TOPBP1: variants seen among roughly 807,000 people sequenced by gnomAD.
TOPBP1 encodes the protein DNA topoisomerase 2-binding protein 1.
A neutral mutation model predicts 167.7 loss-of-function variants in TOPBP1; 28 were observed. The ratio of observed to expected loss-of-function variants is 0.17; its 90% CI spans 0.12 to 0.23. The LOEUF is 0.23. TOPBP1 is among the 10% of genes least tolerant of loss of function. The pLI, the probability that TOPBP1 is intolerant of heterozygous loss-of-function variation, is 1.00. For missense variants in TOPBP1, 1,554 were observed against 1,809.6 expected, an observed-to-expected ratio of 0.86 and a Z score of 2.56; for synonymous variants, 598 against 611.4, an observed-to-expected ratio of 0.98 and a Z score of 0.32.
rs537858136 is a variant in TOPBP1, at chr3:133,604,039, C to G, written c.4426-2646G>C. 2.6e-5 allele frequency among the ~76,000 whole-genome samples: 4 copies of G among 151,686 alleles called. 1 individual carries two copies. The highest frequency in any genetic ancestry group is 6.3e-3 in the Middle Eastern group (2 of 316). On this transcript the variant is annotated intron_variant, in intron 27 of 27. Transcript: ENST00000260810. ...AAATTAAAAAGATAGAAAAAAAAAT[C>G]CTCTTATATTTAGGAACTAAACAAC... is the stretch of plus-strand genomic sequence containing the variant.
intron 22 of TOPBP1, 27 bp downstream of exon 22, chr3:133,617,133 G>GT (rs747233722): frequency 1.3e-6 from 2 of 1,578,634 alleles, no homozygotes; most frequent in Non-Finnish European, 1.7e-6. Flanking sequence ...TGCAAAAGCT[G>GT]TATCACCATA....
intron 1 of TOPBP1, among the ~76,000 whole-genome samples, chr3:133,661,543 C>G (rs945303119): frequency 4.6e-5 from 7 of 152,222 alleles, no homozygotes; most frequent in African/African-American, 1.7e-4. Context: ...AGCCAGTTAG[C>G]ATGGTCTTGG....
At chr3:133,654,992 T>C (rs1936428739) in intron 6 of TOPBP1, among the ~76,000 whole-genome samples, 3 of 152,074 alleles carry the variant, frequency 2.0e-5, no homozygotes, top group South Asian at 4.1e-4. Context: ...GGAAGATCAA[T>C]TGAGGTCAGT....
intron 18 of TOPBP1, 46 bp downstream of exon 18, chr3:133,623,265 T>C (rs1935156370): frequency 1.9e-6 from 3 of 1,612,562 alleles, no homozygotes; most frequent in Non-Finnish European, 2.5e-6. Context: ...TATATGATTA[T>C]ACCTTTAGCT....
rs368769035 is a variant in TOPBP1 at position 133,652,605 on chromosome 3, T to C, written c.947A>G (p.Asn316Ser). Residue 316 changes from asparagine (N) to serine (S), a missense_variant, in exon 8 of 28, where the codon AAT (asparagine) becomes AGT (serine). Physicochemically the swap from Asn to Ser is conservative, Grantham distance 46. This residue lies in a region of TOPBP1 where 1,197 missense variants were observed against 1,351.5 expected (regional missense o/e 0.89). Coordinates refer to ENST00000260810, the MANE Select transcript of TOPBP1 (RefSeq NM_007027.4). ...GCAACTTGCATTTATGTTGGAAATATTGCTGACATCTGAAAGAGTACGACC... is the reference window on the plus strand; with the variant it reads ...GCAACTTGCATTTATGTTGGAAATACTGCTGACATCTGAAAGAGTACGACC... ...IDSRTLSDVS[N>S]ISNINASCVS... 29 of 1,610,322 alleles carry C rather than the reference T, an allele frequency of 1.8e-5. No individual in the cohort carries two copies. The highest frequency in any genetic ancestry group is 2.2e-5 in the East Asian group (1 of 44,860).
chr3:133,609,906 A>T (rs989114931), intron 25 of TOPBP1, among the ~76,000 whole-genome samples: 1 of 152,208 alleles, frequency 6.6e-6, no homozygotes, highest in Non-Finnish European at 1.5e-5. Flanking sequence ...GACTACTCTA[A>T]ATAATAGCTG....
Position 133,649,605 on chromosome 3 carries a change from GCAA to G in TOPBP1, c.1279_1281del (p.Leu428del). On this transcript the variant is annotated inframe_deletion, in exon 10 of 28. Coordinates refer to ENST00000260810, the MANE Select transcript of TOPBP1 (RefSeq NM_007027.4). ...ATATAACCTTTACTGAAACACTCTA[GCAA>G]CCACTTTGCTCCCACTACATGAGGC... The G allele has an allele frequency of 6.2e-7, 1 of 1,613,684 alleles. No homozygotes were observed. The highest frequency in any genetic ancestry group is 8.5e-7 in the Non-Finnish European group (1 of 1,179,866).
At chr3:133,628,773 A>G (rs1935361410) in intron 14 of TOPBP1, 40 bp from the exon 15 acceptor site, 2 of 1,537,678 alleles carry the variant, frequency 1.3e-6, no homozygotes, top group Non-Finnish European at 1.8e-6. Context: ...AGAAAAGAAG[A>G]GAGAGAGAGA....
At chr3:133,615,986 C>T (rs1278542187) in intron 23 of TOPBP1, among the ~76,000 whole-genome samples, 1 of 152,186 alleles carries the variant, frequency 6.6e-6, no homozygotes, top group Non-Finnish European at 1.5e-5. Context: ...TTGGACAGTG[C>T]TGCTCTAGTA....
Position 133,627,123 on chromosome 3 carries a change from A to G in TOPBP1, c.2804+1239T>C, listed in dbSNP as rs534101546. On this transcript the variant is annotated intron_variant, in intron 16 of 27. Transcript: ENST00000260810. Reference sequence around the variant, plus strand: ...CCTTTATCAATTACCAATCCATTTCAGGAAAAGATTTAATATAAACTTTAA... The same window carrying G: ...CCTTTATCAATTACCAATCCATTTCGGGAAAAGATTTAATATAAACTTTAA... 1.9e-3 allele frequency among the ~76,000 whole-genome samples: 294 copies of G among 152,340 alleles called. 2 individuals carry two copies. Among genetic ancestry groups the G allele is most frequent in the African/African-American group, 6.9e-3 (286 of 41,584 alleles).
chr3:133,609,131 A>G (rs991855281), intron 25 of TOPBP1, among the ~76,000 whole-genome samples, 169 bp from the exon 26 acceptor site: 9 of 152,256 alleles, frequency 5.9e-5, no homozygotes, highest in African/African-American at 2.2e-4. Flanking sequence ...AATCCATGGT[A>G]TCTGGCACAT....
At chr3:133,637,251 A>C (rs957021797) in intron 14 of TOPBP1, among the ~76,000 whole-genome samples, 5 of 152,236 alleles carry the variant, frequency 3.3e-5, no homozygotes, top group African/African-American at 1.2e-4. Context: ...AAGCTACTAA[A>C]GAAATAATGA....
In TOPBP1 at chr3:133,653,403, T is replaced by C; in HGVS notation, c.864A>G (p.Pro288=). 1 of 1,612,630 alleles carries C rather than the reference T, an allele frequency of 6.2e-7. No homozygotes were observed. Reference sequence around the variant, plus strand: ...AAGAATTGGGCATAGTCTTTGCTTCTGGTCTAGGTTCTGTCTTGTATATGG... The same window carrying C: ...AAGAATTGGGCATAGTCTTTGCTTCCGGTCTAGGTTCTGTCTTGTATATGG... ...DESIYKTEPR[P]EAKTMPNSST... Residue 288 remains proline, a synonymous_variant, in exon 7 of 28, where the codon CCA becomes CCG. Coordinates refer to ENST00000260810, the MANE Select transcript of TOPBP1 (RefSeq NM_007027.4).
intron 15 of TOPBP1, 37 bp downstream of exon 15, chr3:133,628,523 A>T (rs751961141): frequency 3.7e-6 from 6 of 1,605,410 alleles, no homozygotes; most frequent in South Asian, 2.2e-5. Context: ...TTGAAATGTT[A>T]TCTAAAACTT....
At chr3:133,619,122 A>AG (rs2107781549) in intron 20 of TOPBP1, among the ~76,000 whole-genome samples, 1 of 145,578 alleles carries the variant, frequency 6.9e-6, no homozygotes, top group African/African-American at 2.4e-5. Flanking sequence ...AAAAAAAAAA[A>AG]AAACAAAAAA....
In TOPBP1 at chr3:133,650,494, C is replaced by T. The variant is rs533991753; in HGVS notation, c.1090-551G>A. 7.2e-5 allele frequency among the ~76,000 whole-genome samples: 11 copies of T among 151,958 alleles called. No homozygotes were observed. In the East Asian group the frequency reaches 2.1e-3, roughly 29 times the overall value. On this transcript the variant is annotated intron_variant, in intron 8 of 27. Coordinates refer to ENST00000260810, the MANE Select transcript of TOPBP1 (RefSeq NM_007027.4). ...TACCTTACTCACAGAGTTGACTGAA[C>T]AAAAAATATATATAAGTCAAAGAAC...
intron 14 of TOPBP1, among the ~76,000 whole-genome samples, chr3:133,634,379 C>A (rs149415982): frequency 0.029 from 4,431 of 152,210 alleles, 164 homozygotes; most frequent in East Asian, 0.14. Flanking sequence ...CATGGTGGCG[C>A]ATGCCTGTAA....
At chr3:133,641,607 G>A (rs1180561596) in intron 12 of TOPBP1, among the ~76,000 whole-genome samples, 1 of 152,110 alleles carries the variant, frequency 6.6e-6, no homozygotes, top group African/African-American at 2.4e-5. Flanking sequence ...TCCTGCCACG[G>A]CCTCTCAAAG....
chr3:133,652,005 A>G (rs1282851507), intron 8 of TOPBP1, among the ~76,000 whole-genome samples: 1 of 152,076 alleles, frequency 6.6e-6, no homozygotes, highest in African/African-American at 2.4e-5. Context: ...GTGTAGTGGC[A>G]CATGCCTGTA....
Sources: gnomAD v4.1 joint callset for allele counts (sites outside exome capture counted in the v4.1 genomes callset) on GRCh38, gnomAD v4.1.1 for gene constraint, gnomAD v4.1.1 regional missense constraint, MANE v1.5 for transcripts, NCBI Gene and HGNC (gene_info 2026-07-23, HGNC 2026-07-21) for gene names.